The following ABLIM2 variants were observed in gnomAD, a reference collection of about 807,000 sequenced individuals.
ABLIM2 encodes actin binding LIM protein family member 2.
In ABLIM2, 53 loss-of-function variants were observed where a neutral mutation model predicts 97.7. The ratio of observed to expected loss-of-function variants is 0.54; its 90% CI spans 0.44 to 0.68. The LOEUF (loss-of-function observed/expected upper bound fraction) is 0.68, where lower values mean the gene tolerates loss of function less well. Among genes scored for constraint, ABLIM2 ranks in the 30% least tolerant of loss-of-function variants. The pLI is 0.00. For missense variants in ABLIM2, 835 were observed against 867.2 expected, an observed-to-expected ratio of 0.96 and a Z score of 0.47; for synonymous variants, 361 against 345.8, an observed-to-expected ratio of 1.04 and a Z score of -0.49.
chr4:8,135,862 GA>G (rs1850122884), intron 1 of ABLIM2, among the ~76,000 whole-genome samples: 1 of 152,228 alleles, frequency 6.6e-6, no homozygotes, highest in Non-Finnish European at 1.5e-5. Context: ...CACAGGTGGT[GA>G]AGAGCCAACG....
intron 20 of ABLIM2, among the ~76,000 whole-genome samples, chr4:7,973,743 G>A (rs951619627): frequency 3.3e-5 from 5 of 152,190 alleles, no homozygotes; most frequent in Non-Finnish European, 7.3e-5. Context: ...GTGAATCCAC[G>A]AGCCATGGAC....
intron 16 of ABLIM2, chr4:8,007,023 C>T (rs1761901007): frequency 2.0e-6 from 2 of 985,308 alleles, no homozygotes; most frequent in Admixed American, 6.1e-5. Flanking sequence ...AAGCAACACA[C>T]CTTTCTTTGT....
chr4:8,020,608 C>T (rs1772959507), intron 12 of ABLIM2: 1 of 437,752 alleles, frequency 2.3e-6, no homozygotes, highest in Non-Finnish European at 4.2e-6. Context: ...TCCATCTGCG[C>T]CTCTGCATCC....
chr4:8,135,856 G>A (rs1396366883), intron 1 of ABLIM2, among the ~76,000 whole-genome samples: 7 of 152,250 alleles, frequency 4.6e-5, no homozygotes, highest in South Asian at 2.1e-4. Flanking sequence ...CCACTTCACA[G>A]GTGGTGAAGA....
At chr4:8,010,391 CCAG>C in intron 14 of ABLIM2, 1 of 985,886 alleles carries the variant, frequency 1.0e-6, no homozygotes, top group Non-Finnish European at 1.2e-6. Flanking sequence ...CCACGAAGAC[CCAG>C]GCCTCAGGAA....
intron 1 of ABLIM2, among the ~76,000 whole-genome samples, chr4:8,131,398 G>T (rs1561606079): frequency 6.6e-6 from 1 of 152,190 alleles, no homozygotes; most frequent in African/African-American, 2.4e-5. Context: ...CAGGGACTGG[G>T]TCGCCACCTG....
At position 8,061,178 on chromosome 4, in the gene ABLIM2, C is replaced by A; in HGVS notation, c.676-124G>T. The A allele has an allele frequency of 6.1e-6, 5 of 817,462 alleles. No individual in the cohort carries two copies. Among genetic ancestry groups the A allele is most frequent in the African/African-American group, 5.1e-5 (3 of 58,664 alleles). 50.6% of individuals were successfully genotyped at this position (817,462 alleles called of 1,614,324 possible). A position where few individuals can be genotyped will look rare whatever the true frequency, so the allele number is the denominator to read the frequency against. On this transcript the variant is annotated intron_variant, in intron 6 of 20. Coordinates refer to ENST00000447017, the MANE Select transcript of ABLIM2 (RefSeq NM_001130083.2). The surrounding 1 kb of genome is among the most constrained non-coding windows in gnomAD (Gnocchi z 4.5). ...ACTCAGGGGATACTGGAAGGGCCAG[C>A]CCCCACCATCGGGACCCAAGACCCC...
At position 8,124,707 on chromosome 4, in the gene ABLIM2, G is replaced by A. The variant is rs935778316; in HGVS notation, c.11-18070C>T. Among the ~76,000 whole-genome samples, 5 of 152,178 alleles carry A rather than the reference G, an allele frequency of 3.3e-5. No homozygotes were observed. The highest frequency in any genetic ancestry group is 5.9e-5 in the Non-Finnish European group (4 of 68,028). On this transcript the variant is annotated intron_variant, in intron 1 of 20. Coordinates refer to ENST00000447017, the MANE Select transcript of ABLIM2 (RefSeq NM_001130083.2). This position sits in a 1 kb window ranked among gnomAD's most constrained non-coding sequence, Gnocchi z 6.1. ...ACTTTTTGGTGATTGTGAATAACAC[G>A]GCTATGAACATTCGAGTGTGAATAT...
intron 1 of ABLIM2, among the ~76,000 whole-genome samples, chr4:8,139,129 G>A (rs190870870): frequency 3.9e-5 from 6 of 152,080 alleles, no homozygotes; most frequent in Admixed American, 1.3e-4. Flanking sequence ...CCCAGGAGGC[G>A]GAGGTTGCAG....
chr4:8,060,979 T>C lies in ABLIM2; in HGVS notation c.751A>G (p.Met251Val), dbSNP rs537430138. 2.5e-6 allele frequency: 4 copies of C among 1,591,426 alleles called. No homozygotes were observed. In the South Asian group the frequency reaches 3.4e-5, roughly 14 times the overall value. Reference protein sequence around the residue: ...CGQMFAEGEEMYLQGSSIWHP... With the variant: ...CGQMFAEGEEVYLQGSSIWHP... ...TTTTAATTTGTACCTTGAAGATACA[T>C]CTCTTCGCCTTCTGCAAACATCTGG... The change falls in exon 7 of 21, where the codon ATG becomes GTG. Residue 251 changes from methionine (M) to valine (V), a missense_variant. Met to Val is a conservative substitution (Grantham distance 21, BLOSUM62 1). Coordinates refer to ENST00000447017, the MANE Select transcript of ABLIM2 (RefSeq NM_001130083.2).
intron 3 of ABLIM2, among the ~76,000 whole-genome samples, chr4:8,091,408 T>A (rs1234299640): frequency 4.3e-5 from 2 of 46,510 alleles, no homozygotes; most frequent in African/African-American, 7.9e-5. Flanking sequence ...ATGTAATATA[T>A]AATTATATAT....
rs1483414043 is a variant in ABLIM2 at position 7,980,941 on chromosome 4, A to ATCTTTTTTTTTTT, written c.1824+2322_1824+2323insAAAAAAAAAAAGA. On this transcript the variant is annotated intron_variant, in intron 20 of 20. Transcript: ENST00000447017. ...AGAACCATGGTCTCCACAACCCCTT[A>ATCTTTTTTTTTTT]TTTTTTTTTTTTTTTTTTTTGAGAT... Among the ~76,000 whole-genome samples the ATCTTTTTTTTTTT allele has an allele frequency of 4.3e-3, 356 of 82,938 alleles. 21 individuals carry two copies. The highest frequency in any genetic ancestry group is 0.012 in the African/African-American group (220 of 18,080). The allele number at this position is 82,938 out of a possible 152,430, so 54.4% of individuals were successfully genotyped here. A position where few individuals can be genotyped will look rare whatever the true frequency, so the allele number is the denominator to read the frequency against.
At chr4:8,027,981 T>C in intron 11 of ABLIM2, 124 bp from the exon 12 acceptor site, 2 of 669,520 alleles carry the variant, frequency 3.0e-6, no homozygotes, top group Non-Finnish European at 4.6e-6. Flanking sequence ...GCACAACTTT[T>C]TGCACCTGAA....
chr4:8,097,358 C>A (rs917323697), intron 2 of ABLIM2, 76 bp from the exon 3 acceptor site: 16 of 1,498,348 alleles, frequency 1.1e-5, no homozygotes, highest in African/African-American at 1.4e-5. Flanking sequence ...AGGTGCACCC[C>A]CCTCCACACA....
At chr4:8,081,952 T>A (rs1351523283) in intron 4 of ABLIM2, among the ~76,000 whole-genome samples, 1 of 152,000 alleles carries the variant, frequency 6.6e-6, no homozygotes. Flanking sequence ...GGTGCGTGAG[T>A]GTGTCTACGT....
intron 16 of ABLIM2, chr4:8,007,662 T>A (rs1762293314): frequency 8.0e-6 from 8 of 1,003,938 alleles, no homozygotes; most frequent in Non-Finnish European, 8.3e-6. Flanking sequence ...ATGGTGCCCA[T>A]CACCAACTCC....
At position 8,128,607 on chromosome 4, in the gene ABLIM2, C is replaced by G. The variant is rs1340116918; in HGVS notation, c.11-21970G>C. ...GACCTTGCACAGCAGGTCTCCTTGC[C>G]CTGGCTCTAAGGCAGGAAAGCGATG... is the stretch of plus-strand genomic sequence containing the variant. On this transcript the variant is annotated intron_variant, in intron 1 of 20. Transcript: ENST00000447017. This position sits in a 1 kb window ranked among gnomAD's most constrained non-coding sequence, Gnocchi z 4.9. 6.6e-6 allele frequency among the ~76,000 whole-genome samples: 1 copy of G among 152,220 alleles called. No homozygotes were observed. The highest frequency in any genetic ancestry group is 1.5e-5 in the Non-Finnish European group (1 of 68,046).
chr4:8,111,446 G>A lies in ABLIM2; in HGVS notation c.11-4809C>T, dbSNP rs1341827340. ...AAACCCATAGAACCTATAACACTAA[G>A]AGTGGCCCCCACTGTAAAGTATGAA... On this transcript the variant is annotated intron_variant, in intron 1 of 20. Coordinates refer to ENST00000447017, the MANE Select transcript of ABLIM2 (RefSeq NM_001130083.2). Among the ~76,000 whole-genome samples the A allele has an allele frequency of 3.3e-5, 5 of 152,302 alleles. No homozygotes were observed. In the East Asian group the frequency reaches 7.7e-4, roughly 24 times the overall value.
chr4:7,971,265 C>T (rs972666384), intron 20 of ABLIM2, among the ~76,000 whole-genome samples: 1 of 152,198 alleles, frequency 6.6e-6, no homozygotes, highest in Admixed American at 6.5e-5. Flanking sequence ...ACCCCAGAGA[C>T]TGGGCCAGCT....
Sources: gnomAD v4.1 joint callset for allele counts (sites outside exome capture counted in the v4.1 genomes callset) on GRCh38, gnomAD v4.1.1 for gene constraint, Gnocchi (gnomAD v3.1) non-coding constraint, MANE v1.5 for transcripts, NCBI Gene and HGNC (gene_info 2026-07-23, HGNC 2026-07-21) for gene names.